Variants in CDH12 observed in about 807,000 individuals in gnomAD.
CDH12 encodes the protein cadherin 12.
In CDH12, 41 loss-of-function variants were observed where a neutral mutation model predicts 74.1. That is an observed-to-expected ratio of 0.55 (90% CI 0.43 to 0.72). CDH12 has a LOEUF of 0.72. Among genes scored for constraint, CDH12 ranks in the 30% least tolerant of loss-of-function variants. CDH12 has a pLI of 0.00. For synonymous variants in CDH12, 399 were observed against 355.0 expected (o/e 1.12, Z -1.39); for missense variants, 945 against 977.2 (o/e 0.97, Z 0.44).
At chr5:22,001,570 C>A (rs1192828613) in intron 5 of CDH12, among the ~76,000 whole-genome samples, 4 of 151,928 alleles carry the variant, frequency 2.6e-5, no homozygotes, top group African/African-American at 9.7e-5. Flanking sequence ...GTTTGGTGTA[C>A]AGATTATTTC....
At chr5:22,467,943 G>C (rs1745800949) in intron 2 of CDH12, among the ~76,000 whole-genome samples, 1 of 152,192 alleles carries the variant, frequency 6.6e-6, no homozygotes, top group Non-Finnish European at 1.5e-5. Context: ...TTAATGCTTT[G>C]ATAGAAAAGG....
intron 4 of CDH12, among the ~76,000 whole-genome samples, chr5:22,096,535 C>T (rs1021215437): frequency 2.0e-5 from 3 of 152,102 alleles, no homozygotes; most frequent in African/African-American, 4.8e-5. Context: ...GCCTCCGATC[C>T]TCCACCCTAT....
intron 3 of CDH12, among the ~76,000 whole-genome samples, chr5:22,257,994 TTTA>T (rs1561261322): frequency 6.6e-6 from 1 of 152,142 alleles, no homozygotes; most frequent in Admixed American, 6.6e-5. Context: ...TTAAGGTTAA[TTTA>T]TTATTAAGTA....
chr5:22,285,903 G>T (rs990212751), intron 3 of CDH12, among the ~76,000 whole-genome samples: 4 of 152,000 alleles, frequency 2.6e-5, no homozygotes, highest in Non-Finnish European at 4.4e-5. Flanking sequence ...CTGCTTCATG[G>T]AAATGGCATT....
At chr5:22,126,393 A>G (rs1207771391) in intron 4 of CDH12, among the ~76,000 whole-genome samples, 1 of 152,096 alleles carries the variant, frequency 6.6e-6, no homozygotes, top group Admixed American at 6.5e-5. Context: ...CTAAGAAAAA[A>G]CTACTGCCTG....
rs531677699 is a variant in CDH12, at chr5:22,813,199, A to AT, written c.-523+39858dup. Among the ~76,000 whole-genome samples the AT allele has an allele frequency of 2.0e-4, 30 of 152,310 alleles. No individual in the cohort carries two copies. The East Asian group carries it at 5.8e-3, about 29-fold the overall frequency. On this transcript the variant is annotated intron_variant, in intron 1 of 14. Transcript: ENST00000382254. ...GTAAATAAAACCTCTTGATTCTATG[A>AT]TCTGGGAGATCTGGGACAATTATTA...
At chr5:22,715,443 G>T (rs1181740929) in intron 1 of CDH12, among the ~76,000 whole-genome samples, 1 of 152,102 alleles carries the variant, frequency 6.6e-6, no homozygotes, top group East Asian at 1.9e-4. Context: ...TTATTGTGCT[G>T]CTACTCAGTA....
At chr5:22,502,263 G>T (rs1435869693) in intron 2 of CDH12, among the ~76,000 whole-genome samples, 1 of 151,968 alleles carries the variant, frequency 6.6e-6, no homozygotes, top group Non-Finnish European at 1.5e-5. Flanking sequence ...CATGAGATCT[G>T]GTGGTTTTAT....
At chr5:22,301,349 A>G (rs1224029759) in intron 3 of CDH12, among the ~76,000 whole-genome samples, 3 of 152,200 alleles carry the variant, frequency 2.0e-5, no homozygotes, top group African/African-American at 7.2e-5. Flanking sequence ...CCAATCCCAA[A>G]CTAATATAGC....
intron 4 of CDH12, among the ~76,000 whole-genome samples, chr5:22,133,695 A>G (rs1238068899): frequency 6.6e-6 from 1 of 152,102 alleles, no homozygotes; most frequent in Admixed American, 6.6e-5. Flanking sequence ...TTTCATGTGG[A>G]TAAGTAAAAT....
chr5:21,755,086 T>G (rs1744309793), intron 14 of CDH12, among the ~76,000 whole-genome samples: 1 of 152,198 alleles, frequency 6.6e-6, no homozygotes, highest in African/African-American at 2.4e-5. Flanking sequence ...AAGACAAATT[T>G]GAGGATTACT....
In CDH12 at chr5:22,066,670, G is replaced by T. The variant is rs12516887; in HGVS notation, c.231+11776C>A. 1.1e-3 allele frequency among the ~76,000 whole-genome samples: 171 copies of T among 152,052 alleles called. 1 individual carries two copies. The East Asian group carries it at 0.032, about 28-fold the overall frequency. On this transcript the variant is annotated intron_variant, in intron 5 of 14. Transcript: ENST00000382254. ...GACTGTAATTGAGGGAAAGTCCAAG[G>T]GGATACCACTAGAACTCCCTCTAGA... is the stretch of plus-strand genomic sequence containing the variant.
chr5:22,301,827 T>C (rs1346356826), intron 3 of CDH12, among the ~76,000 whole-genome samples: 2 of 151,776 alleles, frequency 1.3e-5, no homozygotes, highest in Non-Finnish European at 2.9e-5. Context: ...CATTCATTCA[T>C]TTATTTATTT....
intron 1 of CDH12, among the ~76,000 whole-genome samples, chr5:22,847,976 TG>T (rs1737383674): frequency 6.6e-6 from 1 of 152,026 alleles, no homozygotes; most frequent in African/African-American, 2.4e-5. Context: ...CTCCGCCTCC[TG>T]GGTTCAAGTG....
intron 5 of CDH12, among the ~76,000 whole-genome samples, chr5:21,979,547 G>C (rs1757217192): frequency 6.6e-6 from 1 of 152,142 alleles, no homozygotes; most frequent in Non-Finnish European, 1.5e-5. Flanking sequence ...GCATCTCTCT[G>C]ATTATATTTT....
intron 9 of CDH12, among the ~76,000 whole-genome samples, chr5:21,806,147 T>C (rs1747415668): frequency 6.6e-6 from 1 of 152,180 alleles, no homozygotes. Context: ...TTTGCTTCTT[T>C]GTTTTTTGCC....
chr5:22,500,872 G>T (rs1358570303), intron 2 of CDH12, among the ~76,000 whole-genome samples: 2 of 151,950 alleles, frequency 1.3e-5, no homozygotes, highest in Non-Finnish European at 2.9e-5. Flanking sequence ...ATGGATTGTT[G>T]TCCCATAGAC....
At chr5:21,995,975 G>C (rs924382705) in intron 5 of CDH12, among the ~76,000 whole-genome samples, 17 of 151,832 alleles carry the variant, frequency 1.1e-4, no homozygotes, top group Admixed American at 6.6e-4. Context: ...CTGAGTAGTC[G>C]GCATAACATT....
chr5:21,758,794 A>T (rs531282388), intron 13 of CDH12, among the ~76,000 whole-genome samples: 11 of 152,344 alleles, frequency 7.2e-5, no homozygotes, highest in Admixed American at 2.0e-4. Context: ...GCCATAAAAA[A>T]GAATGAAATC....
Sources: gnomAD v4.1 joint callset for allele counts (sites outside exome capture counted in the v4.1 genomes callset) on GRCh38, gnomAD v4.1.1 for gene constraint, MANE v1.5 for transcripts, NCBI Gene and HGNC (gene_info 2026-07-23, HGNC 2026-07-21) for gene names.